The following DMAC2L variants were observed in gnomAD, a reference collection of about 807,000 sequenced individuals.
DMAC2L encodes the protein distal membrane arm assembly component 2 like.
DMAC2L carries 21 observed loss-of-function variants against 22.5 expected under a neutral mutation model. The observed-to-expected ratio is 0.93, with a 90% CI of 0.66 to 1.34. The LOEUF is 1.34. Ranked by LOEUF, DMAC2L falls within the 40% of genes most tolerant of loss-of-function variation. The pLI, the probability that DMAC2L is intolerant of heterozygous loss-of-function variation, is 0.00. For missense variants in DMAC2L, 239 were observed against 246.5 expected (o/e 0.97, Z 0.20); for synonymous variants, 86 against 89.5 (o/e 0.96, Z 0.22).
At chr14:50,321,820 C>T (rs955637407) in intron 3 of DMAC2L, among the ~76,000 whole-genome samples, 3 of 152,142 alleles carry the variant, frequency 2.0e-5, no homozygotes, top group Non-Finnish European at 4.4e-5. Flanking sequence ...ATTTTTCTTA[C>T]TTGTCCTTTT....
Position 50,326,539 on chromosome 14 carries a change from G to A in DMAC2L, c.*816G>A. ...AACAGGATTTGCGTGCATTTCCCAT[G>A]ATCCTGCATTCTTGTGTTCTTGATA... On this transcript the variant is annotated 3_prime_UTR_variant, in exon 6 of 6. Coordinates refer to ENST00000557421, the MANE Select transcript of DMAC2L (RefSeq NM_001382507.1). The A allele has an allele frequency of 1.0e-6, 1 of 985,436 alleles. No individual in the cohort carries two copies. The highest frequency in any genetic ancestry group is 5.2e-4 in the Middle Eastern group (1 of 1,914). 61.0% of individuals were successfully genotyped at this position (985,436 alleles called of 1,614,324 possible). A position where few individuals can be genotyped will look rare whatever the true frequency, so the allele number is the denominator to read the frequency against.
At chr14:50,322,807 G>T (rs752907993) in intron 4 of DMAC2L, 88 bp downstream of exon 4, 4 of 1,581,270 alleles carry the variant, frequency 2.5e-6, no homozygotes, top group Admixed American at 1.8e-5. Flanking sequence ...ATAGTCATAG[G>T]TATGTCCTTT....
chr14:50,312,825 C>T (rs2031370544), intron 1 of DMAC2L: 3 of 596,070 alleles, frequency 5.0e-6, no homozygotes, highest in Non-Finnish European at 8.9e-6. Flanking sequence ...ACTGACAGCC[C>T]GCAGTCTTCT....
chr14:50,312,310 C>T, upstream of DMAC2L: 1 of 1,075,410 alleles, frequency 9.3e-7, no homozygotes, highest in South Asian at 1.5e-5. Flanking sequence ...TAGGCGCGCG[C>T]GTCGGAGGGC....
intron 3 of DMAC2L, 87 bp from the exon 4 acceptor site, chr14:50,322,424 G>T: frequency 7.6e-7 from 1 of 1,312,110 alleles, no homozygotes; most frequent in Non-Finnish European, 1.0e-6. Context: ...AAAATTTGTT[G>T]CGTTCTGTAT....
At position 50,321,604 on chromosome 14, in the gene DMAC2L, T is replaced by G; in HGVS notation, c.107+10T>G. 1 of 1,590,292 alleles carries G rather than the reference T, an allele frequency of 6.3e-7. No homozygotes were observed. Among genetic ancestry groups the G allele is most frequent in the South Asian group, 1.1e-5 (1 of 90,494 alleles). ...ATGCAGTGTTTAATAAGTAAGTTAC[T>G]CTAAATAAAGTGAAGAAATGTGGAG... On this transcript the variant is annotated intron_variant, in intron 3 of 5. Coordinates refer to ENST00000557421, the MANE Select transcript of DMAC2L (RefSeq NM_001382507.1).
Position 50,326,625 on chromosome 14 carries a change from G to A in DMAC2L, c.*902G>A. On this transcript the variant is annotated 3_prime_UTR_variant, in exon 6 of 6. Transcript: ENST00000557421. ...TAATTTGTCTATTTTGTAAGCTTAG[G>A]CTACTATTTTATTAAAACTGGACAT... The A allele has an allele frequency of 1.0e-6, 1 of 985,408 alleles. No individual in the cohort carries two copies. 61.0% of individuals were successfully genotyped at this position (985,408 alleles called of 1,614,324 possible).
chr14:50,314,989 C>A (rs1418280048), intron 2 of DMAC2L, among the ~76,000 whole-genome samples: 1 of 150,528 alleles, frequency 6.6e-6, no homozygotes, highest in African/African-American at 2.4e-5. Context: ...TTTTTTGAGA[C>A]AGAGTCTCGC....
At chr14:50,317,688 T>G (rs1383924605) in intron 2 of DMAC2L, among the ~76,000 whole-genome samples, 2 of 151,936 alleles carry the variant, frequency 1.3e-5, no homozygotes, top group Non-Finnish European at 2.9e-5. Context: ...GACAATCGCT[T>G]GAACCCAGGA....
chr14:50,326,911 C>A lies in DMAC2L; in HGVS notation c.*1188C>A. 4.9e-6 allele frequency: 1 copy of A among 203,468 alleles called. No homozygotes were observed. The highest frequency in any genetic ancestry group is 8.7e-6 in the Non-Finnish European group (1 of 115,092). The allele number at this position is 203,468 out of a possible 1,614,324, so 12.6% of individuals were successfully genotyped here. The stretch of plus-strand genomic sequence containing the variant: ...TAAAAATTAGGCAGGCATGGTGGTG[C>A]ATACCTGTAATCTCAGATACTTGGG... On this transcript the variant is annotated 3_prime_UTR_variant, in exon 6 of 6. Coordinates refer to ENST00000557421, the MANE Select transcript of DMAC2L (RefSeq NM_001382507.1).
rs2032704658 is a variant in DMAC2L, at chr14:50,326,390, T to G, written c.*667T>G. 1.1e-6 allele frequency: 1 copy of G among 939,128 alleles called. No homozygotes were observed. Among genetic ancestry groups the G allele is most frequent in the African/African-American group, 1.8e-5 (1 of 56,228 alleles). The allele number at this position is 939,128 out of a possible 1,614,324, so 58.2% of individuals were successfully genotyped here. Reference sequence around the variant, plus strand: ...TTATAACAGTAATTTACATTTAACTTTAAAGTTAGTGAAGCATACTACCAT... The same window carrying G: ...TTATAACAGTAATTTACATTTAACTGTAAAGTTAGTGAAGCATACTACCAT... On this transcript the variant is annotated 3_prime_UTR_variant, in exon 6 of 6. Transcript: ENST00000557421.
At chr14:50,312,521 A>T (rs971162577) in intron 1 of DMAC2L, 132 bp downstream of exon 1, 4 of 355,636 alleles carry the variant, frequency 1.1e-5, no homozygotes, top group Non-Finnish European at 2.1e-5. Flanking sequence ...CTTCACCGCC[A>T]TGCGGACATG....
chr14:50,325,573 T>G (rs765428349), intron 5 of DMAC2L, 36 bp from the exon 6 acceptor site: 2 of 1,559,394 alleles, frequency 1.3e-6, no homozygotes, highest in Non-Finnish European at 1.8e-6. Flanking sequence ...TTAATGCTCT[T>G]GGCCAAATTG....
At chr14:50,318,738 T>C (rs1410862389) in intron 2 of DMAC2L, among the ~76,000 whole-genome samples, 1 of 152,226 alleles carries the variant, frequency 6.6e-6, no homozygotes, top group South Asian at 2.1e-4. Context: ...CTCTTAATCA[T>C]TAAGACCCAT....
intron 2 of DMAC2L, chr14:50,319,405 A>T: frequency 6.8e-7 from 1 of 1,466,488 alleles, no homozygotes; most frequent in Non-Finnish European, 9.1e-7. Flanking sequence ...GCATCTTTCT[A>T]GTCCTCTTCT....
chr14:50,316,701 T>TG (rs2031831368), intron 2 of DMAC2L, among the ~76,000 whole-genome samples: 1 of 152,218 alleles, frequency 6.6e-6, no homozygotes, highest in African/African-American at 2.4e-5. Flanking sequence ...ATCAGTTGGC[T>TG]ATAAGTATTT....
rs145869141 is a variant in DMAC2L at position 50,314,934 on chromosome 14, A to G, written c.-6+308A>G. On this transcript the variant is annotated intron_variant, in intron 2 of 5. Coordinates refer to ENST00000557421, the MANE Select transcript of DMAC2L (RefSeq NM_001382507.1). The stretch of plus-strand genomic sequence containing the variant: ...TGGGATTACAGGTGTGAGCCACTGC[A>G]CCCAGCCTATTGTATCATTCTTTTT... Among the ~76,000 whole-genome samples the G allele has an allele frequency of 3.2e-3, 484 of 150,870 alleles. 3 individuals carry two copies. The highest frequency in any genetic ancestry group is 0.011 in the African/African-American group (447 of 41,060).
intron 2 of DMAC2L, 94 bp downstream of exon 2, chr14:50,314,720 C>T (rs1342393419): frequency 4.1e-5 from 18 of 433,896 alleles, no homozygotes; most frequent in Admixed American, 2.2e-4. Context: ...CAACTCACTG[C>T]GGCCTCTGCC....
chr14:50,318,253 T>C (rs1345136682), intron 2 of DMAC2L, among the ~76,000 whole-genome samples: 1 of 152,216 alleles, frequency 6.6e-6, no homozygotes, highest in Non-Finnish European at 1.5e-5. Context: ...AGGCAACTGT[T>C]TGGACTCAAG....
Sources: gnomAD v4.1 joint callset for allele counts (sites outside exome capture counted in the v4.1 genomes callset) on GRCh38, gnomAD v4.1.1 for gene constraint, MANE v1.5 for transcripts, NCBI Gene and HGNC (gene_info 2026-07-23, HGNC 2026-07-21) for gene names.